LAMA2: variants seen among roughly 807,000 people sequenced by gnomAD.
LAMA2 encodes the protein laminin subunit alpha 2, also known as laminin subunit alpha-2.
LAMA2 carries 269 observed loss-of-function variants against 364.8 expected under a neutral mutation model. The observed-to-expected ratio is 0.74, with a 90% confidence interval of 0.67 to 0.82. The LOEUF is 0.82. Among genes scored for constraint, LAMA2 ranks in the 40% least tolerant of loss-of-function variants. The pLI, the probability that LAMA2 is intolerant of heterozygous loss-of-function variation, is 0.00. For missense variants in LAMA2, 3,807 were observed against 3,873.2 expected (o/e 0.98, Z 0.45); for synonymous variants, 1,379 against 1,370.6 (o/e 1.01, Z -0.14).
chr6:129,035,095 C>T (rs543198674), intron 1 of LAMA2, among the ~76,000 whole-genome samples: 66 of 152,096 alleles, frequency 4.3e-4, no homozygotes, highest in African/African-American at 1.5e-3. Context: ...ATTTACATTC[C>T]CACCAGCAGC....
chr6:129,126,509 A>AT (rs572857767), intron 4 of LAMA2, among the ~76,000 whole-genome samples: 2 of 151,920 alleles, frequency 1.3e-5, no homozygotes, highest in Admixed American at 6.6e-5. Context: ...AGAATGGTTC[A>AT]TTTTTTTTCT....
At chr6:128,896,962 T>A (rs1276002483) in intron 1 of LAMA2, among the ~76,000 whole-genome samples, 1 of 152,278 alleles carries the variant, frequency 6.6e-6, no homozygotes, top group African/African-American at 2.4e-5. Flanking sequence ...CCAGCACTGC[T>A]GTAAGCATGT....
chr6:129,387,050 G>A (rs137874184), intron 35 of LAMA2, among the ~76,000 whole-genome samples: 17 of 150,158 alleles, frequency 1.1e-4, no homozygotes, highest in Non-Finnish European at 2.5e-4. Flanking sequence ...ATATCCAACT[G>A]GAAAAAAAAA....
intron 35 of LAMA2, among the ~76,000 whole-genome samples, chr6:129,383,894 C>T (rs1778837312): frequency 6.6e-6 from 1 of 152,188 alleles, no homozygotes; most frequent in South Asian, 2.1e-4. Flanking sequence ...AATAAACGTG[C>T]ATGCATGTTT....
intron 13 of LAMA2, among the ~76,000 whole-genome samples, chr6:129,250,794 A>G (rs554202806): frequency 6.6e-6 from 1 of 152,136 alleles, no homozygotes; most frequent in African/African-American, 2.4e-5. Flanking sequence ...CCAATAATGT[A>G]TCTCCTCCCC....
intron 1 of LAMA2, among the ~76,000 whole-genome samples, chr6:128,995,414 T>C (rs755641700): frequency 8.5e-5 from 13 of 152,178 alleles, no homozygotes; most frequent in South Asian, 2.1e-4. Context: ...CTCCACCTCC[T>C]GGGTTCAAGC....
At chr6:129,146,937 C>T (rs199704483) in intron 5 of LAMA2, 22 bp from the exon 6 acceptor site, 24 of 1,476,576 alleles carry the variant, frequency 1.6e-5, no homozygotes, top group Admixed American at 1.5e-4. Context: ...AACAGGATTT[C>T]TCTCTGGATT....
At chr6:129,514,812 C>A (rs1469308627) in intron 64 of LAMA2, among the ~76,000 whole-genome samples, 1 of 152,104 alleles carries the variant, frequency 6.6e-6, no homozygotes, top group Admixed American at 6.6e-5. Flanking sequence ...TTCATGAGAG[C>A]CCCCAAAGTT....
intron 40 of LAMA2, among the ~76,000 whole-genome samples, chr6:129,407,523 A>T (rs1022738552): frequency 1.3e-5 from 2 of 152,262 alleles, no homozygotes; most frequent in African/African-American, 4.8e-5. Flanking sequence ...TTTTCCTAGT[A>T]CAAGTGTATA....
At chr6:129,021,037 T>C (rs539351711) in intron 1 of LAMA2, among the ~76,000 whole-genome samples, 2 of 152,380 alleles carry the variant, frequency 1.3e-5, no homozygotes, top group South Asian at 4.1e-4. Context: ...TTTATTTCAC[T>C]TAACAGATTT....
rs1775425061 is a variant in LAMA2 at position 129,328,316 on chromosome 6, A to G, written c.4215A>G (p.Pro1405=). The change falls in exon 29 of 65, where the codon CCA becomes CCG. Residue 1405 remains proline (P), a synonymous_variant. Transcript: ENST00000421865. ...GATTTTATCGACTGCGTTCTCAACC[A>G]GGTGGCCGCACCCCTGGACCAACCC... The part of the protein sequence containing the change: ...LPGFYRLRSQ[P]GGRTPGPTLG... 2 of 1,614,070 alleles carry G rather than the reference A, an allele frequency of 1.2e-6. No individual in the cohort carries two copies. The highest frequency in any genetic ancestry group is 8.5e-7 in the Non-Finnish European group (1 of 1,180,030).
At chr6:129,381,193 A>C (rs1778662824) in intron 34 of LAMA2, among the ~76,000 whole-genome samples, 1 of 152,184 alleles carries the variant, frequency 6.6e-6, no homozygotes, top group Admixed American at 6.5e-5. Flanking sequence ...CCGTAAGGTA[A>C]GATATTGGAA....
chr6:129,009,338 G>T (rs375302554), intron 1 of LAMA2, among the ~76,000 whole-genome samples: 1 of 151,888 alleles, frequency 6.6e-6, no homozygotes, highest in African/African-American at 2.4e-5. Flanking sequence ...TTTAAAAACT[G>T]AGTTTTATGA....
chr6:129,124,703 T>TA (rs1174647272), intron 4 of LAMA2, among the ~76,000 whole-genome samples: 1 of 152,288 alleles, frequency 6.6e-6, no homozygotes, highest in East Asian at 1.9e-4. Context: ...ATCTTTTTCA[T>TA]AAAAAAAATT....
intron 1 of LAMA2, among the ~76,000 whole-genome samples, chr6:128,999,779 AC>A (rs1784207982): frequency 1.5e-4 from 1 of 6,620 alleles, no homozygotes; most frequent in Non-Finnish European, 1.9e-4. Flanking sequence ...TGATTGGTGT[AC>A]CTGAAAGTGA....
chr6:129,353,285 C>G lies in LAMA2; in HGVS notation c.4645C>G (p.Arg1549Gly). 1 of 1,614,044 alleles carries G rather than the reference C, an allele frequency of 6.2e-7. No individual in the cohort carries two copies. The change falls in exon 32 of 65, where the codon CGA becomes GGA. Residue 1549 changes from arginine to glycine, a missense_variant. Physicochemically the swap from Arg to Gly is moderately radical, Grantham distance 125. Coordinates refer to ENST00000421865, the MANE Select transcript of LAMA2 (RefSeq NM_000426.4). ...CDPVTGFCTC[R>G]PGATGRKCDG... ...CCCTGTCACAGGATTCTGCACGTGCCGACCTGGAGCCACGGGAAGGAAGTG... is the reference window on the plus strand; with the variant it reads ...CCCTGTCACAGGATTCTGCACGTGCGGACCTGGAGCCACGGGAAGGAAGTG...
chr6:128,997,264 C>T (rs1464033244), intron 1 of LAMA2, among the ~76,000 whole-genome samples: 1 of 149,104 alleles, frequency 6.7e-6, no homozygotes, highest in Non-Finnish European at 1.5e-5. Flanking sequence ...GCACATGTAT[C>T]CCAGAACTTA....
At chr6:129,069,822 T>C (rs186914867) in intron 3 of LAMA2, among the ~76,000 whole-genome samples, 1 of 145,272 alleles carries the variant, frequency 6.9e-6, no homozygotes, top group African/African-American at 2.5e-5. Flanking sequence ...ATAAATAATA[T>C]TGTATAATAT....
chr6:129,174,412 T>G (rs1030334755), intron 9 of LAMA2, among the ~76,000 whole-genome samples: 8 of 152,070 alleles, frequency 5.3e-5, no homozygotes, highest in African/African-American at 1.9e-4. Flanking sequence ...ACTCTGTTAT[T>G]GAGTCTGAGT....
Sources: allele counts gnomAD v4.1 joint callset (sites outside exome capture counted in the v4.1 genomes callset), GRCh38; gene constraint gnomAD v4.1.1; transcripts MANE v1.5; gene names NCBI Gene and HGNC (gene_info 2026-07-23, HGNC 2026-07-21).